ENGASE: variants seen among roughly 807,000 people sequenced by gnomAD.
The protein encoded by ENGASE is cytosolic endo-beta-N-acetylglucosaminidase.
A neutral mutation model predicts 78.5 loss-of-function variants in ENGASE; 69 were observed. The observed-to-expected ratio is 0.88, with a 90% CI of 0.72 to 1.07. The LOEUF (loss-of-function observed/expected upper bound fraction) is 1.07. ENGASE is among the 50% of genes least tolerant of loss of function. The pLI is 0.00. For missense variants in ENGASE, 943 were observed against 988.4 expected, an observed-to-expected ratio of 0.95 and a Z score of 0.62; for synonymous variants, 408 against 408.9, an observed-to-expected ratio of 1.00 and a Z score of 0.03.
At chr17:79,077,399 T>A in intron 1 of ENGASE, 31 bp from the exon 2 acceptor site, 12 of 1,590,792 alleles carry the variant, frequency 7.5e-6, no homozygotes, top group Non-Finnish European at 1.0e-5. Flanking sequence ...TATGTTTTTA[T>A]TTATAAATGT....
Position 79,085,353 on chromosome 17 carries a change from C to T in ENGASE, c.1700+11C>T, listed in dbSNP as rs2146015015. 1 of 1,592,456 alleles carries T rather than the reference C, an allele frequency of 6.3e-7. No individual in the cohort carries two copies. Among genetic ancestry groups the T allele is most frequent in the South Asian group, 1.1e-5 (1 of 89,386 alleles). On this transcript the variant is annotated intron_variant, in intron 12 of 13. Transcript: ENST00000579016. ...GGGCTGGGTCCAGCAGTAAGTCCCTCTGCTTCTTCACGTCCTTCTCCCTCA... is the reference window on the plus strand; with the variant it reads ...GGGCTGGGTCCAGCAGTAAGTCCCTTTGCTTCTTCACGTCCTTCTCCCTCA...
At chr17:79,081,553 C>G (rs2145990706) in intron 6 of ENGASE, among the ~76,000 whole-genome samples, 1 of 152,178 alleles carries the variant, frequency 6.6e-6, no homozygotes, top group African/African-American at 2.4e-5. Context: ...ACCATGGATG[C>G]TGGGCGAGGG....
In ENGASE at chr17:79,077,740, C is replaced by T; in HGVS notation, c.292C>T (p.Pro98Ser). 1 of 1,614,194 alleles carries T rather than the reference C, an allele frequency of 6.2e-7. No individual in the cohort carries two copies. The highest frequency in any genetic ancestry group is 1.1e-5 in the South Asian group (1 of 91,088). The change falls in exon 3 of 14, where the codon CCC becomes TCC. Residue 98 changes from proline to serine, a missense_variant. Physicochemically the swap from Pro to Ser is moderately conservative, Grantham distance 74 (BLOSUM62 -1). Transcript: ENST00000579016. Reference protein sequence around the residue: ...SSLEELLAWKPRLEDGFNVAL... With the variant: ...SSLEELLAWKSRLEDGFNVAL... ...GCTGGAGGAGCTCTTGGCGTGGAAG[C>T]CCCGCTTGGAGGATGGCTTTAATGT...
intron 13 of ENGASE, 72 bp from the exon 14 acceptor site, chr17:79,085,861 G>A: frequency 1.3e-6 from 2 of 1,580,656 alleles, no homozygotes; most frequent in East Asian, 2.2e-5. Context: ...TCAGGGAGGG[G>A]AAATGTGTGC....
chr17:79,074,894 CG>C lies in ENGASE; in HGVS notation c.-46del. The C allele has an allele frequency of 2.4e-6, 3 of 1,244,542 alleles. No homozygotes were observed. Among genetic ancestry groups the C allele is most frequent in the East Asian group, 6.2e-5 (2 of 32,422 alleles). 77.1% of individuals were successfully genotyped at this position (1,244,542 alleles called of 1,614,324 possible). A position where few individuals can be genotyped will look rare whatever the true frequency, so the allele number is the denominator to read the frequency against. On this transcript the variant is annotated 5_prime_UTR_variant, in exon 1 of 14. Transcript: ENST00000579016. ...CACTTCCCATTGGCCGAGCGCGGCG[CG>C]GGGGCGGGCCCGGGCCTGCGATTGC...
Position 79,081,989 on chromosome 17 carries a change from C to T in ENGASE, c.964C>T (p.Arg322Trp), listed in dbSNP as rs780538822. 22 of 1,614,062 alleles carry T rather than the reference C, an allele frequency of 1.4e-5. No homozygotes were observed. Among genetic ancestry groups the T allele is most frequent in the Admixed American group, 5.0e-5 (3 of 60,010 alleles). The change falls in exon 7 of 14, where the codon CGG (arginine) becomes TGG (tryptophan). Residue 322 changes from arginine (R) to tryptophan (W), a missense_variant. Arg to Trp is a moderately radical substitution (Grantham distance 101). Transcript: ENST00000579016. ...GATGCTGGGGCAGGCTGGGGAGCGC[C>T]GGGCTGATGTGTACGTGGGCGTGGA... is the stretch of plus-strand genomic sequence containing the variant. ...ERMLGQAGER[R>W]ADVYVGVDVF...
At position 79,082,316 on chromosome 17, in the gene ENGASE, G is replaced by A. The variant is rs78411929; in HGVS notation, c.1038+253G>A. 0.014 allele frequency: 19,814 copies of A among 1,399,492 alleles called. 2,062 individuals carry two copies. The African/African-American group carries it at 0.23, about 17-fold the overall frequency. The allele number at this position is 1,399,492 out of a possible 1,614,324, so 86.7% of individuals were successfully genotyped here. ...TGTGGGTGTTACCAGACAGAGGCGC[G>A]TCGTTCCCCCGCTGTCCGGTCCTCG... On this transcript the variant is annotated intron_variant, in intron 7 of 13. Coordinates refer to ENST00000579016, the MANE Select transcript of ENGASE (RefSeq NM_001042573.3).
In ENGASE at chr17:79,086,024, G is replaced by A. The variant is rs752285676; in HGVS notation, c.1907G>A (p.Arg636Gln). 9 of 1,612,740 alleles carry A rather than the reference G, an allele frequency of 5.6e-6. No individual in the cohort carries two copies. In the Admixed American group the frequency reaches 1.2e-4, roughly 21 times the overall value. ...HIRWQPSASE[R>Q]EGPPALLQLS... Reference sequence around the variant, plus strand: ...CGCTGGCAGCCATCCGCCTCTGAGCGGGAGGGGCCCCCTGCTCTGCTCCAG... The same window carrying A: ...CGCTGGCAGCCATCCGCCTCTGAGCAGGAGGGGCCCCCTGCTCTGCTCCAG... The change falls in exon 14 of 14, where the codon CGG becomes CAG. Residue 636 changes from arginine to glutamine, a missense_variant. Arg to Gln is a conservative substitution (Grantham distance 43, BLOSUM62 1). Coordinates refer to ENST00000579016, the MANE Select transcript of ENGASE (RefSeq NM_001042573.3).
Position 79,077,662 on chromosome 17 carries a change from G to C in ENGASE, c.215-1G>C. 1 of 1,614,166 alleles carries C rather than the reference G, an allele frequency of 6.2e-7. No homozygotes were observed. The highest frequency in any genetic ancestry group is 1.1e-5 in the South Asian group (1 of 91,078). ...GCTCAATGTTTCTGTCCTCGGACCA[G>C]TTAGATATTATGACAAGGACACCAC... On this transcript the variant is annotated splice_acceptor_variant, in intron 2 of 13. Transcript: ENST00000579016. LOFTEE classifies it high-confidence loss of function.
Position 79,087,157 on chromosome 17 carries a change from A to G in ENGASE, c.*808A>G. Reference sequence around the variant, plus strand: ...CAGCGAGAGGCCGTGGGCTCTGGACAAGCCGCCCTTCAGGCTGGGGTAGCA... The same window carrying G: ...CAGCGAGAGGCCGTGGGCTCTGGACGAGCCGCCCTTCAGGCTGGGGTAGCA... On this transcript the variant is annotated 3_prime_UTR_variant, in exon 14 of 14. Transcript: ENST00000579016. 1 of 420,172 alleles carries G rather than the reference A, an allele frequency of 2.4e-6. No individual in the cohort carries two copies. 26.0% of individuals were successfully genotyped at this position (420,172 alleles called of 1,614,324 possible).
At position 79,083,591 on chromosome 17, in the gene ENGASE, G is replaced by T; in HGVS notation, c.1251+1G>T. 1 of 1,612,860 alleles carries T rather than the reference G, an allele frequency of 6.2e-7. No homozygotes were observed. The highest frequency in any genetic ancestry group is 8.5e-7 in the Non-Finnish European group (1 of 1,178,878). Reference sequence around the variant, plus strand: ...TGCACGGAGGGTCTGCTATGGCCAGGTGGGTGGGTGTCTTCCCTCCGTGTC... The same window carrying T: ...TGCACGGAGGGTCTGCTATGGCCAGTTGGGTGGGTGTCTTCCCTCCGTGTC... On this transcript the variant is annotated splice_donor_variant, in intron 9 of 13. Transcript: ENST00000579016. LOFTEE classifies it high-confidence loss of function. The surrounding 1 kb of genome is among the most constrained non-coding windows in gnomAD (Gnocchi z 4.9).
intron 4 of ENGASE, 131 bp from the exon 5 acceptor site, chr17:79,080,076 A>G (rs1440184245): frequency 1.7e-5 from 15 of 908,546 alleles, no homozygotes; most frequent in Non-Finnish European, 4.9e-6. Context: ...CACGGGATAT[A>G]TGGGGATTTG....
intron 10 of ENGASE, 52 bp downstream of exon 10, chr17:79,084,003 G>C (rs2073221016): frequency 6.5e-7 from 1 of 1,528,110 alleles, no homozygotes; most frequent in Non-Finnish European, 9.0e-7. Flanking sequence ...CATCACACGT[G>C]GTGGCCATGG....
At chr17:79,085,196 A>G (rs1484346398) in intron 11 of ENGASE, 38 bp from the exon 12 acceptor site, 2 of 1,541,684 alleles carry the variant, frequency 1.3e-6, no homozygotes, top group Admixed American at 1.7e-5. Flanking sequence ...TTTTCCTTTG[A>G]GATTCTCCTT....
Position 79,079,515 on chromosome 17 carries a change from C to T in ENGASE, c.443C>T (p.Thr148Ile). ...DRFIQGSVVQ[T>I]PYAFYHWQCI... is the part of the protein sequence containing the mutation. ...TTCATTCAGGGCTCGGTGGTGCAGACTCCCTATGCTTTCTACCACTGGCAG... is the reference window on the plus strand; with the variant it reads ...TTCATTCAGGGCTCGGTGGTGCAGATTCCCTATGCTTTCTACCACTGGCAG... The change falls in exon 4 of 14, where the codon ACT (threonine) becomes ATT (isoleucine). Residue 148 changes from threonine to isoleucine, a missense_variant. Thr to Ile is a moderately conservative substitution (Grantham distance 89). Coordinates refer to ENST00000579016, the MANE Select transcript of ENGASE (RefSeq NM_001042573.3). 6.2e-7 allele frequency: 1 copy of T among 1,613,908 alleles called. No homozygotes were observed. Among genetic ancestry groups the T allele is most frequent in the East Asian group, 2.2e-5 (1 of 44,878 alleles).
At position 79,086,867 on chromosome 17, in the gene ENGASE, C is replaced by T. The variant is rs1221869175; in HGVS notation, c.*518C>T. The stretch of plus-strand genomic sequence containing the variant: ...GCCTGCGGGATGGCGGGAGAGGATG[C>T]CCTGGAGAACCGTCCTCCCAGTGTG... On this transcript the variant is annotated 3_prime_UTR_variant, in exon 14 of 14. Transcript: ENST00000579016. 1 of 445,638 alleles carries T rather than the reference C, an allele frequency of 2.2e-6. No homozygotes were observed. Among genetic ancestry groups the T allele is most frequent in the Non-Finnish European group, 4.5e-6 (1 of 220,736 alleles). The allele number at this position is 445,638 out of a possible 1,614,324, so 27.6% of individuals were successfully genotyped here.
rs915536159 is a variant in ENGASE at position 79,087,718 on chromosome 17, A to G, written c.*1369A>G. The G allele has an allele frequency of 6.6e-6, 1 of 152,334 alleles. No homozygotes were observed. Among genetic ancestry groups the G allele is most frequent in the Admixed American group, 6.5e-5 (1 of 15,288 alleles). 9.4% of individuals were successfully genotyped at this position (152,334 alleles called of 1,614,324 possible). Reference sequence around the variant, plus strand: ...GTGACCCCAGCTGGAGCCCACACCTAAGGGCTGGCATCCACATCATTTCAC... The same window carrying G: ...GTGACCCCAGCTGGAGCCCACACCTGAGGGCTGGCATCCACATCATTTCAC... On this transcript the variant is annotated 3_prime_UTR_variant, in exon 14 of 14. Coordinates refer to ENST00000579016, the MANE Select transcript of ENGASE (RefSeq NM_001042573.3).
intron 1 of ENGASE, 47 bp from the exon 2 acceptor site, chr17:79,077,383 C>T (rs1439606644): frequency 1.3e-6 from 2 of 1,551,538 alleles, no homozygotes; most frequent in Non-Finnish European, 1.8e-6. Context: ...AGTGTTCTTA[C>T]CTATTTATGT....
intron 4 of ENGASE, among the ~76,000 whole-genome samples, 200 bp from the exon 5 acceptor site, chr17:79,080,007 G>A (rs1206430182): frequency 2.0e-5 from 3 of 152,250 alleles, no homozygotes; most frequent in Non-Finnish European, 4.4e-5. Context: ...CCTCAATCCC[G>A]ATCGTTGATG....
Sources: gnomAD v4.1 joint callset for allele counts (sites outside exome capture counted in the v4.1 genomes callset) on GRCh38, gnomAD v4.1.1 for gene constraint, Gnocchi (gnomAD v3.1) non-coding constraint, MANE v1.5 for transcripts, NCBI Gene and HGNC (gene_info 2026-07-23, HGNC 2026-07-21) for gene names.